The following TNNI3K variants were observed in gnomAD, a reference collection of about 807,000 sequenced individuals.
TNNI3K encodes serine/threonine-protein kinase TNNI3K.
Under a neutral mutation model 114.5 loss-of-function variants are expected in TNNI3K, and 140 were observed. The ratio of observed to expected loss-of-function variants is 1.22; its 90% CI spans 1.07 to 1.41. The LOEUF is 1.41. Among genes scored for constraint, TNNI3K ranks in the 40% most tolerant of loss-of-function variants. The pLI, the probability that TNNI3K is intolerant of heterozygous loss-of-function variation, is 0.00. For missense variants in TNNI3K, 1,125 were observed against 1,007.6 expected, an observed-to-expected ratio of 1.12 and a Z score of -1.58; for synonymous variants, 347 against 347.5, an observed-to-expected ratio of 1.00 and a Z score of 0.02.
rs956432807 is a variant in TNNI3K, at chr1:74,423,838, G to A, written c.1773-12242G>A. Among the ~76,000 whole-genome samples the A allele has an allele frequency of 7.9e-5, 12 of 152,196 alleles. No individual in the cohort carries two copies. The Middle Eastern group carries it at 0.01, about 129-fold the overall frequency. On this transcript the variant is annotated intron_variant, in intron 17 of 24. Transcript: ENST00000326637. The stretch of plus-strand genomic sequence containing the variant: ...TAATAATTATATATCTCATTGGGTT[G>A]TGTGAATATTAAACTGGTTAACATA...
At chr1:74,380,283 T>A (rs1663133418) in intron 17 of TNNI3K, among the ~76,000 whole-genome samples, 1 of 152,188 alleles carries the variant, frequency 6.6e-6, no homozygotes, top group Non-Finnish European at 1.5e-5. Context: ...AATCCTGCGA[T>A]ACCAACATTT....
intron 5 of TNNI3K, among the ~76,000 whole-genome samples, chr1:74,284,385 A>G (rs1257371195): frequency 6.6e-6 from 1 of 152,152 alleles, no homozygotes; most frequent in East Asian, 1.9e-4. Flanking sequence ...CTCTCACAGA[A>G]TCTCTCTTTT....
chr1:74,344,269 G>A (rs571532218), intron 9 of TNNI3K, among the ~76,000 whole-genome samples: 5 of 152,228 alleles, frequency 3.3e-5, no homozygotes, highest in East Asian at 1.9e-4. Flanking sequence ...CAGATGATTC[G>A]CATCCATTAT....
At chr1:74,511,103 G>T (rs529710716) in intron 23 of TNNI3K, among the ~76,000 whole-genome samples, 2 of 152,004 alleles carry the variant, frequency 1.3e-5, no homozygotes, top group South Asian at 4.1e-4. Context: ...GGCCAGGCTG[G>T]TCTGGAACTC....
At chr1:74,421,441 T>C (rs1164859180) in intron 17 of TNNI3K, among the ~76,000 whole-genome samples, 1 of 152,090 alleles carries the variant, frequency 6.6e-6, no homozygotes. Flanking sequence ...AGGTAGCTCT[T>C]AGAGATAAGA....
chr1:74,496,350 T>C (rs946629538), intron 23 of TNNI3K, among the ~76,000 whole-genome samples: 10 of 152,300 alleles, frequency 6.6e-5, no homozygotes, highest in African/African-American at 2.4e-4. Flanking sequence ...ACCACTAACT[T>C]CTGATCTTTG....
chr1:74,246,104 C>A (rs2100838378), intron 2 of TNNI3K, among the ~76,000 whole-genome samples: 1 of 152,274 alleles, frequency 6.6e-6, no homozygotes, highest in East Asian at 1.9e-4. Context: ...ATGAAAATGC[C>A]ACTGTTTTAA....
chr1:74,409,002 AAAAAT>A (rs933577468), intron 17 of TNNI3K, among the ~76,000 whole-genome samples: 4 of 152,196 alleles, frequency 2.6e-5, no homozygotes, highest in African/African-American at 9.6e-5. Flanking sequence ...CAAAAAAAAA[AAAAAT>A]AGAGTCTTCT....
chr1:74,303,685 TAAGAAATACATTTTGTAAG>T (rs1159022014), intron 5 of TNNI3K, among the ~76,000 whole-genome samples: 4 of 152,198 alleles, frequency 2.6e-5, no homozygotes, highest in Non-Finnish European at 5.9e-5. Flanking sequence ...TTTCATTATT[TAAGAAATACATTTTGTAAG>T]ATTATAGCTG....
chr1:74,491,355 G>C (rs1183131554), intron 22 of TNNI3K, among the ~76,000 whole-genome samples: 1 of 152,214 alleles, frequency 6.6e-6, no homozygotes, highest in Non-Finnish European at 1.5e-5. Context: ...CAGTAGCTGG[G>C]ACTACAGGTG....
chr1:74,436,058 T>C, intron 17 of TNNI3K, 22 bp from the exon 18 acceptor site: 1 of 403,772 alleles, frequency 2.5e-6, no homozygotes, highest in Non-Finnish European at 3.9e-6. Context: ...ATGTCTACTT[T>C]TTTTTTTTTT....
At chr1:74,389,435 C>G (rs1467543978) in intron 17 of TNNI3K, among the ~76,000 whole-genome samples, 1 of 152,154 alleles carries the variant, frequency 6.6e-6, no homozygotes, top group Admixed American at 6.5e-5. Flanking sequence ...TTATAGGAAA[C>G]TGTGAAGAAT....
rs145680893 is a variant in TNNI3K at position 74,369,464 on chromosome 1, C to T, written c.1546C>T (p.Leu516Phe). The T allele has an allele frequency of 9.3e-6, 15 of 1,612,654 alleles. No homozygotes were observed. The South Asian group carries it at 1.4e-4, about 15-fold the overall frequency. Residue 516 changes from leucine (L) to phenylalanine (F), a missense_variant, in exon 16 of 25, where the codon CTC (leucine) becomes TTC (phenylalanine). Coordinates refer to ENST00000326637, the MANE Select transcript of TNNI3K (RefSeq NM_015978.3). ...CCGAGAGGTGTCCATTCTCTGCCAG[C>T]TCAATCATCCCTGCGTAATTCAGTT... is the stretch of plus-strand genomic sequence containing the variant. ...FCREVSILCQ[L>F]NHPCVIQFVG...
chr1:74,287,862 A>G (rs1657429261), intron 5 of TNNI3K, among the ~76,000 whole-genome samples: 1 of 152,184 alleles, frequency 6.6e-6, no homozygotes, highest in Non-Finnish European at 1.5e-5. Flanking sequence ...CGAAATATAT[A>G]AGGAATTCAA....
chr1:74,287,233 T>G (rs1657388802), intron 5 of TNNI3K, among the ~76,000 whole-genome samples: 1 of 152,016 alleles, frequency 6.6e-6, no homozygotes, highest in Non-Finnish European at 1.5e-5. Flanking sequence ...CATCAACAAG[T>G]AAACCAGTGT....
intron 9 of TNNI3K, among the ~76,000 whole-genome samples, chr1:74,351,295 C>T (rs535376474): frequency 6.6e-6 from 1 of 151,246 alleles, no homozygotes; most frequent in East Asian, 1.9e-4. Flanking sequence ...AATATTGGCC[C>T]CCACTCTCTT....
At chr1:74,540,199 C>A in intron 23 of TNNI3K, 35 bp from the exon 24 acceptor site, 1 of 1,604,042 alleles carries the variant, frequency 6.2e-7, no homozygotes. Flanking sequence ...TATCAGATCA[C>A]CATACTGTGA....
At chr1:74,405,705 T>C (rs1198544405) in intron 17 of TNNI3K, among the ~76,000 whole-genome samples, 1 of 152,172 alleles carries the variant, frequency 6.6e-6, no homozygotes, top group South Asian at 2.1e-4. Context: ...GAAAATGTTC[T>C]AGAAATAGAA....
At chr1:74,307,114 A>G (rs1441520577) in intron 5 of TNNI3K, among the ~76,000 whole-genome samples, 1 of 152,108 alleles carries the variant, frequency 6.6e-6, no homozygotes, top group Admixed American at 6.5e-5. Flanking sequence ...ATTGATTAGG[A>G]TGTCCTTTCT....
Sources: allele counts gnomAD v4.1 joint callset (sites outside exome capture counted in the v4.1 genomes callset), GRCh38; gene constraint gnomAD v4.1.1; transcripts MANE v1.5; gene names NCBI Gene and HGNC (gene_info 2026-07-23, HGNC 2026-07-21).